The following TNNI3K variants were observed in gnomAD, a reference collection of about 807,000 sequenced individuals.
The protein encoded by TNNI3K is serine/threonine-protein kinase TNNI3K.
A neutral mutation model predicts 114.5 loss-of-function variants in TNNI3K; 140 were observed. The ratio of observed to expected loss-of-function variants is 1.22; its 90% CI spans 1.07 to 1.41. The LOEUF (loss-of-function observed/expected upper bound fraction) is 1.41, where lower values mean the gene tolerates loss of function less well. Ranked by LOEUF, TNNI3K falls within the 40% of genes most tolerant of loss-of-function variation. The pLI is 0.00. For synonymous variants in TNNI3K, 347 were observed against 347.5 expected (o/e 1.00, Z 0.02); for missense variants, 1,125 against 1,007.6 (o/e 1.12, Z -1.58).
At chr1:74,397,850 C>T (rs1452940372) in intron 17 of TNNI3K, among the ~76,000 whole-genome samples, 1 of 152,212 alleles carries the variant, frequency 6.6e-6, no homozygotes, top group Non-Finnish European at 1.5e-5. Flanking sequence ...AATAACTAGT[C>T]AGACCAAACC....
chr1:74,339,242 A>G (rs1660633056), intron 7 of TNNI3K, among the ~76,000 whole-genome samples: 1 of 152,176 alleles, frequency 6.6e-6, no homozygotes. Flanking sequence ...GCACGCAAGT[A>G]TTACATGCCT....
At chr1:74,440,334 C>A (rs1251452437) in intron 20 of TNNI3K, among the ~76,000 whole-genome samples, 1 of 151,972 alleles carries the variant, frequency 6.6e-6, no homozygotes, top group Non-Finnish European at 1.5e-5. Context: ...GACTTTGCAT[C>A]CCTAAAACTT....
intron 17 of TNNI3K, among the ~76,000 whole-genome samples, chr1:74,421,077 A>G (rs1299530548): frequency 6.6e-6 from 1 of 152,092 alleles, no homozygotes; most frequent in East Asian, 1.9e-4. Flanking sequence ...TTCTCTATCC[A>G]TAGTCAGCAT....
chr1:74,523,018 C>G (rs1258985572), intron 23 of TNNI3K, among the ~76,000 whole-genome samples: 1 of 152,188 alleles, frequency 6.6e-6, no homozygotes, highest in Non-Finnish European at 1.5e-5. Context: ...CAGCAGATCA[C>G]AAGGTTTCTG....
At chr1:74,530,449 G>A (rs1460408461) in intron 23 of TNNI3K, among the ~76,000 whole-genome samples, 7 of 152,152 alleles carry the variant, frequency 4.6e-5, no homozygotes, top group Non-Finnish European at 8.8e-5. Context: ...TGTAAGTTTT[G>A]TAAAGTATCG....
chr1:74,422,469 C>T (rs1384985157), intron 17 of TNNI3K, among the ~76,000 whole-genome samples: 2 of 152,052 alleles, frequency 1.3e-5, no homozygotes, highest in Admixed American at 1.3e-4. Flanking sequence ...GAAGCTCAGT[C>T]AATTAATTTC....
chr1:74,313,131 C>T (rs1387281921), intron 5 of TNNI3K, among the ~76,000 whole-genome samples: 1 of 152,134 alleles, frequency 6.6e-6, no homozygotes, highest in East Asian at 1.9e-4. Flanking sequence ...TTACCTCTTT[C>T]CTGGATAGCT....
rs1243295389 is a variant in TNNI3K at position 74,384,313 on chromosome 1, C to A, written c.1772+13921C>A. 2.0e-5 allele frequency among the ~76,000 whole-genome samples: 3 copies of A among 152,032 alleles called. No homozygotes were observed. The East Asian group carries it at 5.8e-4, about 29-fold the overall frequency. The stretch of plus-strand genomic sequence containing the variant: ...TTTGCATGCTAGTCACTAAAGCCTG[C>A]CTATAAAAAACAATGAGAAAGGGAA... On this transcript the variant is annotated intron_variant, in intron 17 of 24. Transcript: ENST00000326637.
chr1:74,497,984 T>TTTTG (rs1034612222), intron 23 of TNNI3K, among the ~76,000 whole-genome samples: 25 of 152,110 alleles, frequency 1.6e-4, no homozygotes, highest in East Asian at 5.8e-4. Flanking sequence ...TGGGAGGCTT[T>TTTTG]TTTGTTTGTT....
intron 5 of TNNI3K, among the ~76,000 whole-genome samples, chr1:74,289,920 T>C (rs955214285): frequency 6.6e-6 from 1 of 151,928 alleles, no homozygotes; most frequent in Non-Finnish European, 1.5e-5. Flanking sequence ...GAGTGCTCCA[T>C]GAGCAGTGTG....
At chr1:74,287,696 C>G (rs1657417872) in intron 5 of TNNI3K, among the ~76,000 whole-genome samples, 1 of 151,880 alleles carries the variant, frequency 6.6e-6, no homozygotes. Flanking sequence ...GCTATGACCT[C>G]AAAAACACAA....
At chr1:74,308,596 G>T (rs1258039600) in intron 5 of TNNI3K, among the ~76,000 whole-genome samples, 1 of 152,000 alleles carries the variant, frequency 6.6e-6, no homozygotes, top group African/African-American at 2.4e-5. Flanking sequence ...CACAACTGGA[G>T]GAGCTAGAAA....
intron 5 of TNNI3K, among the ~76,000 whole-genome samples, chr1:74,319,089 T>C (rs1477144002): frequency 1.3e-5 from 2 of 152,212 alleles, no homozygotes; most frequent in Non-Finnish European, 2.9e-5. Context: ...TCCCCTGGCT[T>C]AGGGAGTATC....
At chr1:74,392,456 A>G (rs1407931678) in intron 17 of TNNI3K, among the ~76,000 whole-genome samples, 3 of 152,208 alleles carry the variant, frequency 2.0e-5, no homozygotes, top group African/African-American at 7.2e-5. Context: ...CTCCTAGTTT[A>G]GTTCTCAAGT....
intron 24 of TNNI3K, among the ~76,000 whole-genome samples, chr1:74,540,918 A>G (rs759554119): frequency 6.6e-6 from 1 of 152,126 alleles, no homozygotes; most frequent in Non-Finnish European, 1.5e-5. Context: ...TAATTAACAA[A>G]GTTTTTTTCA....
intron 23 of TNNI3K, among the ~76,000 whole-genome samples, chr1:74,523,341 AT>A (rs1369264231): frequency 6.6e-6 from 1 of 152,168 alleles, no homozygotes; most frequent in Non-Finnish European, 1.5e-5. Context: ...TGAGCATGAT[AT>A]TTGTGTTTTT....
rs749702172 is a variant in TNNI3K, at chr1:74,492,284, C to T, written c.2351+18C>T. ...TCCCAAAGGTGAGTGGTAATATAAG[C>T]AAATCTCACAGTAAAGTCTTATTTC... On this transcript the variant is annotated intron_variant, in intron 23 of 24. Transcript: ENST00000326637. 4 of 1,474,624 alleles carry T rather than the reference C, an allele frequency of 2.7e-6. No homozygotes were observed. Among genetic ancestry groups the T allele is most frequent in the Admixed American group, 3.8e-5 (2 of 53,264 alleles). 91.3% of individuals were successfully genotyped at this position (1,474,624 alleles called of 1,614,324 possible). A position where few individuals can be genotyped will look rare whatever the true frequency, so the allele number is the denominator to read the frequency against.
intron 5 of TNNI3K, among the ~76,000 whole-genome samples, chr1:74,301,163 G>A (rs1207005870): frequency 2.6e-5 from 4 of 152,152 alleles, no homozygotes; most frequent in African/African-American, 4.8e-5. Flanking sequence ...ACTTTGGGAG[G>A]CTGAGACGGC....
chr1:74,523,184 G>T lies in TNNI3K; in HGVS notation c.2352-17050G>T, dbSNP rs529826925. ...AGAAAACAATATATATAATAATACC[G>T]ATACCACACAGTTGCTGGGAAGATT... On this transcript the variant is annotated intron_variant, in intron 23 of 24. Transcript: ENST00000326637. 2.0e-5 allele frequency among the ~76,000 whole-genome samples: 3 copies of T among 152,204 alleles called. No homozygotes were observed. In the East Asian group the frequency reaches 5.8e-4, roughly 29 times the overall value.
Sources: gnomAD v4.1 joint callset for allele counts (sites outside exome capture counted in the v4.1 genomes callset) on GRCh38, gnomAD v4.1.1 for gene constraint, MANE v1.5 for transcripts, NCBI Gene and HGNC (gene_info 2026-07-23, HGNC 2026-07-21) for gene names.